NCBP1: variants seen among roughly 807,000 people sequenced by gnomAD.
The protein encoded by NCBP1 is nuclear cap binding protein subunit 1, also known as nuclear cap-binding protein subunit 1.
Under a neutral mutation model 111.7 loss-of-function variants are expected in NCBP1, and 16 were observed. The observed-to-expected ratio is 0.14, with a 90% confidence interval of 0.10 to 0.22. The LOEUF is 0.22. Among genes scored for constraint, NCBP1 ranks in the 10% least tolerant of loss-of-function variants. The pLI, the probability that NCBP1 is intolerant of heterozygous loss-of-function variation, is 1.00. For synonymous variants in NCBP1, 304 were observed against 314.3 expected (o/e 0.97, Z 0.35); for missense variants, 607 against 957.5 (o/e 0.63, Z 4.83).
At position 97,663,070 on chromosome 9, in the gene NCBP1, T is replaced by C. The variant is rs754582942; in HGVS notation, c.1797+23T>C. 4.5e-6 allele frequency: 7 copies of C among 1,545,092 alleles called. No homozygotes were observed. In the Admixed American group the frequency reaches 7.1e-5, roughly 16 times the overall value. ...CAGGTAAAAATTATTTAATTAGACA[T>C]GTTGAAGCTCTGATTGTATGGGTAT... On this transcript the variant is annotated intron_variant, in intron 18 of 22. Transcript: ENST00000375147.
intron 1 of NCBP1, among the ~76,000 whole-genome samples, chr9:97,636,241 T>C (rs548593187): frequency 8.3e-4 from 127 of 152,252 alleles, no homozygotes; most frequent in African/African-American, 3.0e-3. Context: ...TTTTGGATGC[T>C]TTCCTTTTAG....
rs1043584863 is a variant in NCBP1, at chr9:97,656,034, C to T, written c.1322C>T (p.Pro441Leu). Residue 441 changes from proline (P) to leucine (L), a missense_variant, in exon 14 of 23, where the codon CCT (proline) becomes CTT (leucine). Pro to Leu is a moderately conservative substitution (Grantham distance 98). Coordinates refer to ENST00000375147, the MANE Select transcript of NCBP1 (RefSeq NM_002486.5). The stretch of plus-strand genomic sequence containing the variant: ...AGGTCAGATTGTCTTAGTCAAGATC[C>T]TGAAAGTCCCAAACCGAAGTTTGTA... ...EDWSDCLSQD[P>L]ESPKPKFVRE... 1 of 1,614,052 alleles carries T rather than the reference C, an allele frequency of 6.2e-7. No homozygotes were observed. Among genetic ancestry groups the T allele is most frequent in the African/African-American group, 1.3e-5 (1 of 75,056 alleles).
In NCBP1 at chr9:97,641,766, GCTTTA is replaced by G. The variant is rs912617938; in HGVS notation, c.224+108_224+112del. On this transcript the variant is annotated intron_variant, in intron 3 of 22. Coordinates refer to ENST00000375147, the MANE Select transcript of NCBP1 (RefSeq NM_002486.5). ...CATGTTTATGTTCTATATGTCCTTG[GCTTTA>G]CTTCTATGGGGAAATTTGTACAAAT... The G allele has an allele frequency of 6.3e-5, 73 of 1,164,326 alleles. No homozygotes were observed. The African/African-American group carries it at 9.2e-4, about 15-fold the overall frequency. 72.1% of individuals were successfully genotyped at this position (1,164,326 alleles called of 1,614,324 possible).
chr9:97,655,812 A>G (rs1177145400), intron 13 of NCBP1, 48 bp downstream of exon 13: 1 of 1,524,618 alleles, frequency 6.6e-7, no homozygotes, highest in Non-Finnish European at 9.0e-7. Flanking sequence ...AAAACTACTA[A>G]TGTTTAAAAC....
intron 4 of NCBP1, 126 bp downstream of exon 4, chr9:97,643,486 C>A: frequency 9.5e-7 from 1 of 1,055,310 alleles, no homozygotes; most frequent in Non-Finnish European, 1.3e-6. Flanking sequence ...CTTCATAAGC[C>A]ACCTTTATTT....
At chr9:97,650,319 C>T (rs1301128248) in intron 8 of NCBP1, among the ~76,000 whole-genome samples, 184 bp from the exon 9 acceptor site, 2 of 152,158 alleles carry the variant, frequency 1.3e-5, no homozygotes, top group South Asian at 2.1e-4. Flanking sequence ...ACAGCTGATA[C>T]TCTGGGGTAT....
Position 97,636,478 on chromosome 9 carries a change from T to A in NCBP1, c.34+2563T>A, listed in dbSNP as rs552747561. Among the ~76,000 whole-genome samples the A allele has an allele frequency of 5.8e-4, 85 of 146,216 alleles. 3 individuals carry two copies. In the South Asian group the frequency reaches 0.016, roughly 28 times the overall value. On this transcript the variant is annotated intron_variant, in intron 1 of 22. Transcript: ENST00000375147. ...ACTATAATAGAATGTATTATATATA[T>A]TTATATATTATATAAATTTATATTT...
chr9:97,666,723 T>C, intron 19 of NCBP1, 40 bp from the exon 20 acceptor site: 1 of 1,309,788 alleles, frequency 7.6e-7, no homozygotes, highest in African/African-American at 1.5e-5. Context: ...TCTGTAACCA[T>C]AGCTTGACAT....
intron 18 of NCBP1, 150 bp from the exon 19 acceptor site, chr9:97,664,190 C>G (rs780472706): frequency 8.5e-5 from 44 of 515,824 alleles, no homozygotes; most frequent in Non-Finnish European, 1.4e-4. Flanking sequence ...AAAAAAAGAC[C>G]TAATGGTCAG....
intron 5 of NCBP1, 42 bp downstream of exon 5, chr9:97,645,266 G>C: frequency 6.9e-7 from 1 of 1,447,364 alleles, no homozygotes; most frequent in Non-Finnish European, 9.7e-7. Flanking sequence ...GGTTCTTGAG[G>C]GGTTACTGAA....
At chr9:97,669,760 T>G in intron 22 of NCBP1, 54 bp downstream of exon 22, 1 of 1,288,008 alleles carries the variant, frequency 7.8e-7, no homozygotes, top group Non-Finnish European at 1.1e-6. Context: ...ACAAAGATTT[T>G]TCATTAAAAA....
At position 97,668,886 on chromosome 9, in the gene NCBP1, G is replaced by A. The variant is rs1245387917; in HGVS notation, c.2057G>A (p.Gly686Glu). Residue 686 changes from glycine to glutamate, a missense_variant, in exon 21 of 23, where the codon GGG becomes GAG. Gly to Glu is a moderately conservative substitution (Grantham distance 98). This residue lies in a region of NCBP1 where 282 missense variants were observed against 376.5 expected (regional missense o/e 0.75). Coordinates refer to ENST00000375147, the MANE Select transcript of NCBP1 (RefSeq NM_002486.5). ...DDDRSSDRKD[G>E]VLEEQIERLQ... ...GACAGAAGCAGTGACAGGAAAGACG[G>A]GGTTCTTGAGGAACAAATAGAACGA... is the stretch of plus-strand genomic sequence containing the variant. 4 of 1,613,590 alleles carry A rather than the reference G, an allele frequency of 2.5e-6. No homozygotes were observed. Among genetic ancestry groups the A allele is most frequent in the Non-Finnish European group, 8.5e-7 (1 of 1,179,686 alleles).
chr9:97,641,938 T>C (rs1207720666), intron 3 of NCBP1, among the ~76,000 whole-genome samples: 1 of 152,110 alleles, frequency 6.6e-6, no homozygotes, highest in African/African-American at 2.4e-5. Context: ...CATTCAGATA[T>C]ATATTTTTAA....
At chr9:97,654,564 T>TA (rs113841701) in intron 11 of NCBP1, among the ~76,000 whole-genome samples, 12,414 of 140,814 alleles carry the variant, frequency 0.088, 1,782 homozygotes, top group African/African-American at 0.3. Context: ...AACCTTCAGT[T>TA]AAAAAAAAAA....
intron 1 of NCBP1, among the ~76,000 whole-genome samples, chr9:97,639,756 A>T (rs1827151701): frequency 6.6e-6 from 1 of 152,168 alleles, no homozygotes; most frequent in South Asian, 2.1e-4. Flanking sequence ...GCTTTATGTT[A>T]TACCACAAAA....
chr9:97,660,910 A>T, intron 15 of NCBP1, 36 bp from the exon 16 acceptor site: 1 of 1,577,912 alleles, frequency 6.3e-7, no homozygotes, highest in East Asian at 2.3e-5. Context: ...TTGAAACCTG[A>T]TCTGTCATTC....
At chr9:97,646,059 A>C (rs1334808284) in intron 6 of NCBP1, among the ~76,000 whole-genome samples, 1 of 152,220 alleles carries the variant, frequency 6.6e-6, no homozygotes, top group Non-Finnish European at 1.5e-5. Flanking sequence ...TAAAATACTC[A>C]GACCCCAACC....
rs34556640 is a variant in NCBP1 at position 97,657,906 on chromosome 9, CTATA to C, written c.1374-716_1374-713del. ...GTAAGCTCTCTCTCTCTCTCTCTCT[CTATA>C]TATATATATATATATATTTTTTTTT... is the stretch of plus-strand genomic sequence containing the variant. On this transcript the variant is annotated intron_variant, in intron 14 of 22. Coordinates refer to ENST00000375147, the MANE Select transcript of NCBP1 (RefSeq NM_002486.5). Among the ~76,000 whole-genome samples the C allele has an allele frequency of 2.6e-3, 328 of 127,470 alleles. 3 individuals carry two copies. The highest frequency in any genetic ancestry group is 8.3e-3 in the Middle Eastern group (2 of 242). The allele number at this position is 127,470 out of a possible 152,430, so 83.6% of individuals were successfully genotyped here.
At chr9:97,646,288 TTCCCATTAC>T (rs1240133904) in intron 6 of NCBP1, among the ~76,000 whole-genome samples, 2 of 152,236 alleles carry the variant, frequency 1.3e-5, no homozygotes, top group Non-Finnish European at 2.9e-5. Context: ...GTCACATGTC[TTCCCATTAC>T]TCATCTCTCC....
Sources: gnomAD v4.1 joint callset for allele counts (sites outside exome capture counted in the v4.1 genomes callset) on GRCh38, gnomAD v4.1.1 for gene constraint, gnomAD v4.1.1 regional missense constraint, MANE v1.5 for transcripts, NCBI Gene and HGNC (gene_info 2026-07-23, HGNC 2026-07-21) for gene names.